The following CREB1 variants were observed in gnomAD, a reference collection of about 807,000 sequenced individuals.
CREB1 encodes cAMP responsive element binding protein 1.
In CREB1, 2 loss-of-function variants were observed where a neutral mutation model predicts 42.0. That is an observed-to-expected ratio of 0.05 (90% CI 0.02 to 0.15). The LOEUF is 0.15. Among genes scored for constraint, CREB1 ranks in the 10% least tolerant of loss-of-function variants. The probability of loss-of-function intolerance (pLI) is 1.00; values close to 1 mark genes in which losing one functional copy is unlikely to be tolerated. For synonymous variants in CREB1, 123 were observed against 139.9 expected (o/e 0.88, Z 0.85); for missense variants, 199 against 388.9 (o/e 0.51, Z 4.11).
rs1165092542 is a variant in CREB1, at chr2:207,567,555, T to G, written c.354T>G (p.Pro118=). 3 of 1,606,350 alleles carry G rather than the reference T, an allele frequency of 1.9e-6. No individual in the cohort carries two copies. In the African/African-American group the frequency reaches 4.0e-5, roughly 21 times the overall value. ...QKRREILSRR[P]SYRKILNDLS... is the part of the protein sequence containing the mutation. ...GAAGGGAAATTCTTTCAAGGAGGCC[T>G]TCCTACAGGTATGGAATTTAATAGT... The change falls in exon 4 of 8, where the codon CCT becomes CCG. Residue 118 remains proline, a synonymous_variant. Transcript: ENST00000353267.
intron 1 of CREB1, among the ~76,000 whole-genome samples, chr2:207,539,468 G>GA (rs1292024743): frequency 1.3e-5 from 2 of 152,070 alleles, no homozygotes; most frequent in African/African-American, 4.8e-5. Flanking sequence ...TTTATTCAGT[G>GA]AAGATTTATT....
At chr2:207,576,966 T>C (rs905792052) in intron 6 of CREB1, 6 of 882,130 alleles carry the variant, frequency 6.8e-6, no homozygotes, top group South Asian at 5.1e-5. Flanking sequence ...TTTCAAATAA[T>C]ATAATTGGCA....
intron 7 of CREB1, among the ~76,000 whole-genome samples, chr2:207,586,893 TGAG>T (rs2083939429): frequency 6.6e-6 from 1 of 152,068 alleles, no homozygotes; most frequent in Admixed American, 6.5e-5. Context: ...AACAAACTGA[TGAG>T]GATGCAGAGA....
chr2:207,603,520 G>T lies in CREB1; in HGVS notation c.*6462G>T. The T allele has an allele frequency of 4.5e-6, 1 of 224,252 alleles. No homozygotes were observed. The allele number at this position is 224,252 out of a possible 1,614,324, so 13.9% of individuals were successfully genotyped here. On this transcript the variant is annotated 3_prime_UTR_variant, in exon 8 of 8. Coordinates refer to ENST00000353267, the MANE Select transcript of CREB1 (RefSeq NM_004379.5). ...GAAGCCATGTTTTATTGGACTTAAA[G>T]TTACAATATATTACAAGCTTGTGTT...
At position 207,598,857 on chromosome 2, in the gene CREB1, AAT is replaced by A. The variant is rs565499009; in HGVS notation, c.*1800_*1801del. The A allele has an allele frequency of 3.1e-4, 55 of 175,280 alleles. No individual in the cohort carries two copies. Among genetic ancestry groups the A allele is most frequent in the South Asian group, 1.0e-3 (5 of 5,024 alleles). The allele number at this position is 175,280 out of a possible 1,614,324, so 10.9% of individuals were successfully genotyped here. A position where few individuals can be genotyped will look rare whatever the true frequency, so the allele number is the denominator to read the frequency against. On this transcript the variant is annotated 3_prime_UTR_variant, in exon 8 of 8. Transcript: ENST00000353267. ...CATCTCAAAAAATAAAAATAAAAAA[AAT>A]GTCTCATTTGGGAAGGAAATTCCTT...
rs571453560 is a variant in CREB1, at chr2:207,605,231, T to C, written c.*8173T>C. ...TTCTCCACACCTTCACCAACACTTATTTTGCCATTTTAAAAATTATAGCCA... is the reference window on the plus strand; with the variant it reads ...TTCTCCACACCTTCACCAACACTTACTTTGCCATTTTAAAAATTATAGCCA... On this transcript the variant is annotated 3_prime_UTR_variant, in exon 8 of 8. Coordinates refer to ENST00000353267, the MANE Select transcript of CREB1 (RefSeq NM_004379.5). Among the ~76,000 whole-genome samples, 6 of 152,310 alleles carry C rather than the reference T, an allele frequency of 3.9e-5. No individual in the cohort carries two copies. The highest frequency in any genetic ancestry group is 8.8e-5 in the Non-Finnish European group (6 of 68,028).
intron 1 of CREB1, among the ~76,000 whole-genome samples, chr2:207,534,088 A>G (rs1332054953): frequency 6.6e-6 from 1 of 152,236 alleles, no homozygotes; most frequent in African/African-American, 2.4e-5. Flanking sequence ...TAGGCAAGTT[A>G]TCTTAACTTC....
chr2:207,575,577 A>G (rs2082540915), intron 6 of CREB1, 123 bp downstream of exon 6: 13 of 811,904 alleles, frequency 1.6e-5, no homozygotes, highest in Non-Finnish European at 2.2e-5. Flanking sequence ...CATTTCTTCA[A>G]TATTGATAGT....
rs533743974 is a variant in CREB1, at chr2:207,583,966, G to A, written c.839+6311G>A. ...CTTTTAGATCTGGTTCCTTCATCTA[G>A]CAAAATGCATTTAAGATTTATTGAT... On this transcript the variant is annotated intron_variant, in intron 7 of 7. Transcript: ENST00000353267. Among the ~76,000 whole-genome samples, 7 of 152,196 alleles carry A rather than the reference G, an allele frequency of 4.6e-5. 1 individual carries two copies. In the South Asian group the frequency reaches 1.5e-3, roughly 32 times the overall value.
chr2:207,570,251 G>T lies in CREB1; in HGVS notation c.435G>T (p.Glu145Asp). The T allele has an allele frequency of 6.2e-7, 1 of 1,613,854 alleles. No individual in the cohort carries two copies. The highest frequency in any genetic ancestry group is 8.5e-7 in the Non-Finnish European group (1 of 1,179,788). The stretch of plus-strand genomic sequence containing the variant: ...TTGAAGAAGAGAAGTCTGAAGAGGA[G>T]ACTTCAGCACCTGCCATCACCACTG... Reference protein sequence around the residue: ...PRIEEEKSEEETSAPAITTVT... With the variant: ...PRIEEEKSEEDTSAPAITTVT... Residue 145 changes from glutamate to aspartate, a missense_variant, in exon 5 of 8, where the codon GAG (glutamate) becomes GAT (aspartate). Transcript: ENST00000353267.
intron 1 of CREB1, among the ~76,000 whole-genome samples, chr2:207,542,052 T>G (rs1008838443): frequency 6.6e-6 from 1 of 152,346 alleles, no homozygotes; most frequent in East Asian, 1.9e-4. Flanking sequence ...AATAGTCCAT[T>G]TTATGGATAT....
chr2:207,532,867 T>A (rs1327825443), intron 1 of CREB1, among the ~76,000 whole-genome samples: 1 of 151,976 alleles, frequency 6.6e-6, no homozygotes, highest in Non-Finnish European at 1.5e-5. Context: ...GCAATTCTCC[T>A]GCCCCAGCCC....
intron 1 of CREB1, among the ~76,000 whole-genome samples, chr2:207,554,928 G>T (rs1443347871): frequency 6.6e-6 from 1 of 152,014 alleles, no homozygotes; most frequent in Non-Finnish European, 1.5e-5. Context: ...AAATTACCTG[G>T]TATGGTGCAA....
In CREB1 at chr2:207,555,640, C is replaced by A; in HGVS notation, c.5C>A (p.Thr2Asn). ...CATATTATTATAGGTAACTAAATGA[C>A]CATGGAATCTGGAGCCGAGAACCAG... M[T>N]MESGAENQQS... Residue 2 changes from threonine to asparagine, a missense_variant, in exon 2 of 8, where the codon ACC (threonine) becomes AAC (asparagine). Coordinates refer to ENST00000353267, the MANE Select transcript of CREB1 (RefSeq NM_004379.5). The A allele has an allele frequency of 6.2e-7, 1 of 1,605,280 alleles. No individual in the cohort carries two copies. Among genetic ancestry groups the A allele is most frequent in the Non-Finnish European group, 8.5e-7 (1 of 1,172,576 alleles).
intron 1 of CREB1, among the ~76,000 whole-genome samples, chr2:207,537,039 T>C (rs917753274): frequency 1.4e-4 from 16 of 117,202 alleles, no homozygotes; most frequent in Non-Finnish European, 5.5e-5. Context: ...ATGATTAAAA[T>C]GTTTACAAAG....
In CREB1 at chr2:207,597,137, T is replaced by A; in HGVS notation, c.*79T>A. 7.0e-7 allele frequency: 1 copy of A among 1,438,178 alleles called. No homozygotes were observed. The highest frequency in any genetic ancestry group is 9.3e-7 in the Non-Finnish European group (1 of 1,078,424). The allele number at this position is 1,438,178 out of a possible 1,614,324, so 89.1% of individuals were successfully genotyped here. A position where few individuals can be genotyped will look rare whatever the true frequency, so the allele number is the denominator to read the frequency against. On this transcript the variant is annotated 3_prime_UTR_variant, in exon 8 of 8. Coordinates refer to ENST00000353267, the MANE Select transcript of CREB1 (RefSeq NM_004379.5). ...AACCTGAAAGACAAAATAAACATTT[T>A]ATTTTCTAAACATTTCTTTTTTTCT...
chr2:207,567,367 T>C, intron 3 of CREB1, 96 bp from the exon 4 acceptor site: 2 of 754,950 alleles, frequency 2.6e-6, no homozygotes, highest in Admixed American at 2.6e-5. Flanking sequence ...TACTGAAGCA[T>C]GTATAAAGTT....
intron 1 of CREB1, among the ~76,000 whole-genome samples, chr2:207,535,967 C>T (rs2080855110): frequency 1.3e-5 from 2 of 151,960 alleles, no homozygotes; most frequent in East Asian, 1.9e-4. Flanking sequence ...ACAACAGGCG[C>T]GCACCACCAG....
intron 1 of CREB1, among the ~76,000 whole-genome samples, chr2:207,540,160 C>A (rs1266697304): frequency 6.6e-6 from 1 of 152,090 alleles, no homozygotes; most frequent in Non-Finnish European, 1.5e-5. Context: ...TTAAGAACTT[C>A]AGATAGGTCC....
Sources: gnomAD v4.1 joint callset for allele counts (sites outside exome capture counted in the v4.1 genomes callset) on GRCh38, gnomAD v4.1.1 for gene constraint, MANE v1.5 for transcripts, NCBI Gene and HGNC (gene_info 2026-07-23, HGNC 2026-07-21) for gene names.